SERGEF: variants seen among roughly 807,000 people sequenced by gnomAD.
SERGEF encodes the protein secretion regulating guanine nucleotide exchange factor.
In SERGEF, 51 loss-of-function variants were observed where a neutral mutation model predicts 50.0. The observed-to-expected ratio is 1.02, with a 90% CI of 0.81 to 1.29. SERGEF has a LOEUF of 1.29. SERGEF is among the 50% of genes most tolerant of loss of function. The pLI, the probability that SERGEF is intolerant of heterozygous loss-of-function variation, is 0.00. For synonymous variants in SERGEF, 205 were observed against 212.4 expected, an observed-to-expected ratio of 0.97 and a Z score of 0.30; for missense variants, 521 against 557.0, an observed-to-expected ratio of 0.94 and a Z score of 0.65.
intron 9 of SERGEF, among the ~76,000 whole-genome samples, chr11:17,948,567 T>G (rs892388871): frequency 6.6e-6 from 1 of 152,218 alleles, no homozygotes; most frequent in Non-Finnish European, 1.5e-5. Flanking sequence ...CTGAATCACC[T>G]TTTTGAAGCG....
intron 10 of SERGEF, among the ~76,000 whole-genome samples, chr11:17,848,262 TCCA>T (rs1850650866): frequency 6.6e-6 from 1 of 152,122 alleles, no homozygotes; most frequent in Non-Finnish European, 1.5e-5. Context: ...AGCAACTGAT[TCCA>T]CCTAGGAAGT....
intron 10 of SERGEF, among the ~76,000 whole-genome samples, chr11:17,803,213 T>G (rs1849702685): frequency 6.6e-6 from 1 of 152,176 alleles, no homozygotes; most frequent in Admixed American, 6.5e-5. Flanking sequence ...GCAGCCTCAG[T>G]TATGGAGGAA....
At chr11:17,900,327 A>C (rs1194093638) in intron 9 of SERGEF, among the ~76,000 whole-genome samples, 2 of 152,234 alleles carry the variant, frequency 1.3e-5, no homozygotes, top group African/African-American at 4.8e-5. Context: ...TATGATATGC[A>C]AAATGCTTAG....
At chr11:17,968,616 A>G (rs1231575663) in intron 8 of SERGEF, among the ~76,000 whole-genome samples, 2 of 151,804 alleles carry the variant, frequency 1.3e-5, no homozygotes, top group Non-Finnish European at 2.9e-5. Flanking sequence ...AGGTGGAAAG[A>G]TTGCTTAAGC....
chr11:17,898,256 T>C (rs576117712), intron 9 of SERGEF, among the ~76,000 whole-genome samples: 1 of 152,232 alleles, frequency 6.6e-6, no homozygotes, highest in Non-Finnish European at 1.5e-5. Context: ...GAACATAAGC[T>C]GTCACCCTCT....
At chr11:17,989,800 T>C (rs925890652) in intron 7 of SERGEF, among the ~76,000 whole-genome samples, 2 of 152,338 alleles carry the variant, frequency 1.3e-5, no homozygotes, top group African/African-American at 2.4e-5. Context: ...TCTCACACAA[T>C]GGACTGCAAA....
intron 9 of SERGEF, among the ~76,000 whole-genome samples, chr11:17,955,131 C>T (rs1852839974): frequency 6.6e-6 from 1 of 152,190 alleles, no homozygotes; most frequent in Non-Finnish European, 1.5e-5. Flanking sequence ...TGTCCCTCGG[C>T]CTGATATCCT....
chr11:17,970,598 AG>A (rs1418766937), intron 8 of SERGEF, among the ~76,000 whole-genome samples: 2 of 152,250 alleles, frequency 1.3e-5, no homozygotes, highest in African/African-American at 4.8e-5. Flanking sequence ...TAGGCTAAAA[AG>A]CTAGGCCTCT....
chr11:17,913,562 G>C (rs142159660), intron 9 of SERGEF, among the ~76,000 whole-genome samples: 90 of 152,256 alleles, frequency 5.9e-4, no homozygotes, highest in African/African-American at 1.9e-3. Context: ...GGTAGCTTTG[G>C]GGGGTACTGA....
chr11:17,815,246 A>T (rs1394633724), intron 10 of SERGEF, among the ~76,000 whole-genome samples: 1 of 151,962 alleles, frequency 6.6e-6, no homozygotes, highest in Non-Finnish European at 1.5e-5. Context: ...CTTACCTGGG[A>T]TCTGTTTCTG....
intron 10 of SERGEF, among the ~76,000 whole-genome samples, chr11:17,799,331 A>G (rs1286773647): frequency 1.3e-5 from 2 of 152,134 alleles, no homozygotes; most frequent in Non-Finnish European, 2.9e-5. Flanking sequence ...CGGCCTGCAA[A>G]AACTCTTAAA....
chr11:17,976,438 A>G (rs1194151454), intron 8 of SERGEF, among the ~76,000 whole-genome samples: 1 of 143,490 alleles, frequency 7.0e-6, no homozygotes, highest in Non-Finnish European at 1.5e-5. Flanking sequence ...GGCATGCACC[A>G]CCACCTCGGC....
chr11:17,801,039 C>T (rs1565170948), intron 10 of SERGEF, among the ~76,000 whole-genome samples: 1 of 151,726 alleles, frequency 6.6e-6, no homozygotes, highest in Non-Finnish European at 1.5e-5. Flanking sequence ...ACTAAAAATA[C>T]AAAAAATTAG....
At chr11:17,852,760 A>G (rs879902571) in intron 10 of SERGEF, among the ~76,000 whole-genome samples, 1 of 152,212 alleles carries the variant, frequency 6.6e-6, no homozygotes, top group African/African-American at 2.4e-5. Context: ...TCTGATCCTC[A>G]TAATACCCTG....
chr11:17,983,427 G>T (rs2133991659), intron 8 of SERGEF, among the ~76,000 whole-genome samples: 1 of 152,274 alleles, frequency 6.6e-6, no homozygotes, highest in East Asian at 1.9e-4. Flanking sequence ...GTGATCTCTA[G>T]AGAGCTCAAG....
chr11:17,880,452 G>A (rs912463355), intron 9 of SERGEF, among the ~76,000 whole-genome samples: 1 of 151,850 alleles, frequency 6.6e-6, no homozygotes, highest in African/African-American at 2.4e-5. Context: ...ATGCAGCCTC[G>A]GAAAATGATG....
At chr11:17,929,153 A>G (rs1004383570) in intron 9 of SERGEF, among the ~76,000 whole-genome samples, 1 of 152,140 alleles carries the variant, frequency 6.6e-6, no homozygotes, top group African/African-American at 2.4e-5. Flanking sequence ...AATAGCCTTT[A>G]TTTTTCATCC....
intron 9 of SERGEF, among the ~76,000 whole-genome samples, chr11:17,924,154 T>C (rs1333292258): frequency 6.6e-6 from 1 of 152,172 alleles, no homozygotes; most frequent in East Asian, 1.9e-4. Context: ...TTTGGGGCAA[T>C]GAATTTGAGG....
intron 1 of SERGEF, among the ~76,000 whole-genome samples, chr11:18,008,778 C>T (rs1235898541): frequency 6.6e-6 from 1 of 151,744 alleles, no homozygotes; most frequent in African/African-American, 2.4e-5. Flanking sequence ...GCACCCATGC[C>T]ACCTCACTGC....
Sources: gnomAD v4.1 joint callset for allele counts (sites outside exome capture counted in the v4.1 genomes callset) on GRCh38, gnomAD v4.1.1 for gene constraint, MANE v1.5 for transcripts, NCBI Gene and HGNC (gene_info 2026-07-23, HGNC 2026-07-21) for gene names.